The following POLA1 variants were observed in gnomAD, a reference collection of about 807,000 sequenced individuals.
POLA1 encodes DNA polymerase alpha catalytic subunit.
POLA1 carries 15 observed loss-of-function variants against 124.0 expected under a neutral mutation model. The ratio of observed to expected loss-of-function variants is 0.12; its 90% CI spans 0.08 to 0.19. The LOEUF is 0.19. Among genes scored for constraint, POLA1 ranks in the 10% least tolerant of loss-of-function variants. The pLI, the probability that POLA1 is intolerant of heterozygous loss-of-function variation, is 1.00. For missense variants in POLA1, 886 were observed against 1,103.4 expected, an observed-to-expected ratio of 0.80 and a Z score of 2.79; for synonymous variants, 408 against 389.4, an observed-to-expected ratio of 1.05 and a Z score of -0.56.
chrX:24,819,042 A>T (rs759987423), intron 30 of POLA1, among the ~76,000 whole-genome samples: 1 of 112,337 alleles, frequency 8.9e-6, no homozygotes, highest in African/African-American at 3.2e-5. Context: ...GTAATGTGGA[A>T]TCTGAAGCCA....
chrX:24,832,518 G>T (rs918860574), intron 32 of POLA1, among the ~76,000 whole-genome samples: 1 of 112,236 alleles, frequency 8.9e-6, no homozygotes, highest in Non-Finnish European at 1.9e-5. Context: ...TATGAGTTAT[G>T]TAACAACTCT....
At chrX:24,812,602 A>G (rs2045922333) in intron 28 of POLA1, 56 bp from the exon 29 acceptor site, 9 of 704,826 alleles carry the variant, frequency 1.3e-5, no homozygotes, top group African/African-American at 2.1e-5. Flanking sequence ...TAACATGTTC[A>G]TCTTCTCCCT....
chrX:24,728,883 A>C (rs1056186208), intron 15 of POLA1, among the ~76,000 whole-genome samples: 1 of 112,140 alleles, frequency 8.9e-6, no homozygotes, highest in Admixed American at 9.5e-5. Flanking sequence ...TTGAAAGAAA[A>C]AGTGTGCTGA....
intron 36 of POLA1, among the ~76,000 whole-genome samples, chrX:24,930,863 A>G (rs1202438234): frequency 2.7e-5 from 3 of 112,646 alleles, no homozygotes; most frequent in African/African-American, 9.7e-5. Context: ...ACTGTAATAA[A>G]GTAAGCATAG....
intron 26 of POLA1, among the ~76,000 whole-genome samples, chrX:24,749,271 CT>C (rs1232342993): frequency 2.0e-5 from 2 of 101,167 alleles, no homozygotes; most frequent in Non-Finnish European, 3.9e-5. Context: ...TGTTATGAGG[CT>C]TACATTCTAC....
Position 24,741,400 on chromosome X carries a change from T to C in POLA1, c.2242T>C (p.Leu748=). Residue 748 remains leucine (L), a synonymous_variant, in exon 21 of 37, where the codon TTG becomes CTG. Coordinates refer to ENST00000379068, the MANE Select transcript of POLA1 (RefSeq NM_001330360.2). Reference sequence around the variant, plus strand: ...TGAATCTTCTCAACTGTTATACCTGTTGGAACACACCTGGAAAGATGCCAA... The same window carrying C: ...TGAATCTTCTCAACTGTTATACCTGCTGGAACACACCTGGAAAGATGCCAA... The part of the protein sequence containing the change: ...YSESSQLLYL[L]EHTWKDAKFI... The C allele has an allele frequency of 8.4e-7, 1 of 1,195,486 alleles. No homozygotes were observed. The highest frequency in any genetic ancestry group is 3.0e-5 in the East Asian group (1 of 33,790).
intron 26 of POLA1, among the ~76,000 whole-genome samples, chrX:24,781,882 C>T (rs938364775): frequency 1.8e-5 from 2 of 111,637 alleles, no homozygotes; most frequent in African/African-American, 3.3e-5. Context: ...TTATACTGAG[C>T]ATTTATGCCA....
chrX:24,994,656 C>G (rs1484773983), intron 36 of POLA1, among the ~76,000 whole-genome samples: 3 of 107,782 alleles, frequency 2.8e-5, no homozygotes, highest in Non-Finnish European at 5.7e-5. Context: ...GCTGGGGGTT[C>G]TGGCTACCTG....
intron 36 of POLA1, among the ~76,000 whole-genome samples, chrX:24,986,855 T>C (rs1490226720): frequency 9.0e-6 from 1 of 111,079 alleles, no homozygotes; most frequent in Non-Finnish European, 1.9e-5. Flanking sequence ...CACTCTTAGG[T>C]GCTCCACACT....
intron 35 of POLA1, among the ~76,000 whole-genome samples, chrX:24,906,503 T>C (rs562526086): frequency 1.9e-5 from 2 of 103,940 alleles, no homozygotes; most frequent in Admixed American, 2.1e-4. Flanking sequence ...AAGAATGATA[T>C]AATGAACTTT....
chrX:24,967,845 C>T (rs1020860544), intron 36 of POLA1, among the ~76,000 whole-genome samples: 1 of 111,142 alleles, frequency 9.0e-6, no homozygotes, highest in Non-Finnish European at 1.9e-5. Flanking sequence ...AGCTGGGACC[C>T]TTTTCACCAA....
At chrX:24,984,065 T>G (rs1254708704) in intron 36 of POLA1, among the ~76,000 whole-genome samples, 1 of 112,534 alleles carries the variant, frequency 8.9e-6, no homozygotes, top group South Asian at 3.7e-4. Flanking sequence ...CTTTAAATCA[T>G]TGAGTGTAAG....
chrX:24,901,089 C>T (rs1024265473), intron 35 of POLA1, among the ~76,000 whole-genome samples: 1 of 111,844 alleles, frequency 8.9e-6, no homozygotes. Context: ...AATTAAGTCC[C>T]TGTCCTCATG....
chrX:24,762,130 G>A (rs143247703), intron 26 of POLA1, among the ~76,000 whole-genome samples: 137 of 111,775 alleles, frequency 1.2e-3, no homozygotes, highest in Middle Eastern at 4.7e-3. Flanking sequence ...TTACTGCTCA[G>A]TGGGCTTCAG....
chrX:24,909,895 A>G (rs1601860217), intron 35 of POLA1, among the ~76,000 whole-genome samples: 3 of 109,550 alleles, frequency 2.7e-5, no homozygotes, highest in South Asian at 7.9e-4. Context: ...ATTTGTTTGT[A>G]TCCTCTTTTA....
chrX:24,801,215 CTCTTCATT>C (rs2045699185), intron 26 of POLA1, among the ~76,000 whole-genome samples: 1 of 111,673 alleles, frequency 9.0e-6, no homozygotes, highest in Non-Finnish European at 1.9e-5. Context: ...AACTGATTCA[CTCTTCATT>C]TCTTGCATGG....
chrX:24,762,021 A>G (rs1170628088), intron 26 of POLA1, among the ~76,000 whole-genome samples: 2 of 112,363 alleles, frequency 1.8e-5, no homozygotes, highest in Non-Finnish European at 3.8e-5. Context: ...ACTGCACACC[A>G]GGGGTGCTCA....
At chrX:24,799,477 G>A (rs138011479) in intron 26 of POLA1, among the ~76,000 whole-genome samples, 141 of 112,485 alleles carry the variant, frequency 1.3e-3, no homozygotes, top group African/African-American at 4.3e-3. Context: ...CCTTTTTAGC[G>A]TATTACACTG....
Position 24,714,591 on chromosome X carries a change from T to C in POLA1, c.384T>C (p.Asn128=). The C allele has an allele frequency of 8.3e-7, 1 of 1,199,678 alleles. No homozygotes were observed. The highest frequency in any genetic ancestry group is 1.8e-5 in the South Asian group (1 of 55,116). Residue 128 remains asparagine (N), a synonymous_variant, in exon 5 of 37, where the codon AAT becomes AAC. Transcript: ENST00000379068. ...AAGCACGCAATAAAGACAAGAGGAA[T>C]GTAAAGAAGCTCGCAGTGACAAAAC... The part of the protein sequence containing the change: ...DGKARNKDKR[N]VKKLAVTKPN...
Sources: gnomAD v4.1 joint callset for allele counts (sites outside exome capture counted in the v4.1 genomes callset) on GRCh38, gnomAD v4.1.1 for gene constraint, MANE v1.5 for transcripts, NCBI Gene and HGNC (gene_info 2026-07-23, HGNC 2026-07-21) for gene names.